Variants in ADGRL2 observed in about 807,000 individuals in gnomAD.
The protein encoded by ADGRL2 is calcium-independent alpha-latrotoxin receptor 2.
A neutral mutation model predicts 157.4 loss-of-function variants in ADGRL2; 44 were observed. That is an observed-to-expected ratio of 0.28 (90% CI 0.22 to 0.36). ADGRL2 has a LOEUF of 0.36. ADGRL2 is among the 10% of genes least tolerant of loss of function. ADGRL2 has a pLI of 1.00. For synonymous variants in ADGRL2, 585 were observed against 624.7 expected (o/e 0.94, Z 0.95); for missense variants, 1,510 against 1,768.9 (o/e 0.85, Z 2.63).
intron 2 of ADGRL2, among the ~76,000 whole-genome samples, chr1:81,558,756 T>A (rs1570499455): frequency 6.6e-6 from 1 of 152,234 alleles, no homozygotes; most frequent in African/African-American, 2.4e-5. Flanking sequence ...TCTCATTTCA[T>A]ACCCCTTGAT....
chr1:81,750,722 CA>C (rs370212610), intron 1 of ADGRL2, among the ~76,000 whole-genome samples: 2 of 149,526 alleles, frequency 1.3e-5, no homozygotes, highest in Non-Finnish European at 3.0e-5. Context: ...ATTTCAAAAA[CA>C]AAAAAAACAA....
intron 6 of ADGRL2, among the ~76,000 whole-genome samples, chr1:81,948,950 A>T (rs755227736): frequency 4.6e-5 from 7 of 152,230 alleles, no homozygotes; most frequent in Non-Finnish European, 8.8e-5. Context: ...GTAGTGTCAG[A>T]ATTAATAAAG....
chr1:81,823,651 T>C (rs2149914806), intron 1 of ADGRL2, among the ~76,000 whole-genome samples: 1 of 152,090 alleles, frequency 6.6e-6, no homozygotes, highest in African/African-American at 2.4e-5. Context: ...AAAATGACAC[T>C]GTACCCCTGA....
At chr1:81,594,444 T>C (rs2081193136) in intron 3 of ADGRL2, among the ~76,000 whole-genome samples, 1 of 152,236 alleles carries the variant, frequency 6.6e-6, no homozygotes, top group Non-Finnish European at 1.5e-5. Context: ...GTCATTCTGC[T>C]CCATAAATAT....
intron 3 of ADGRL2, among the ~76,000 whole-genome samples, chr1:81,629,680 TG>T (rs2081975028): frequency 1.0e-5 from 1 of 97,034 alleles, no homozygotes; most frequent in East Asian, 4.6e-4. Flanking sequence ...TGTGTGTGTG[TG>T]TGTGTGTGTG....
rs747889657 is a variant in ADGRL2 at position 81,966,117 on chromosome 1, G to A, written c.2077G>A (p.Gly693Ser). 9.3e-6 allele frequency: 15 copies of A among 1,613,576 alleles called. No homozygotes were observed. Among genetic ancestry groups the A allele is most frequent in the Middle Eastern group, 3.3e-4 (2 of 6,084 alleles). ...GATCCAAGACTTTAAATTTCCTCTG[G>A]GCATCAAAGGAGCAGGCAGCTCAAT... is the stretch of plus-strand genomic sequence containing the variant. ...GQIQDFKFPL[G>S]IKGAGSSIQL... The change falls in exon 12 of 24, where the codon GGC (glycine) becomes AGC (serine). Residue 693 changes from glycine to serine, a missense_variant. This residue lies in a region of ADGRL2 where 497 missense variants were observed against 627.2 expected (regional missense o/e 0.79). Transcript: ENST00000686636.
chr1:81,797,883 CTTCT>C (rs753308729), upstream of ADGRL2, among the ~76,000 whole-genome samples: 1 of 152,048 alleles, frequency 6.6e-6, no homozygotes, highest in Non-Finnish European at 1.5e-5. Context: ...TAATGAGTTC[CTTCT>C]GTTTTCTTTG....
chr1:81,382,134 G>A (rs1451503541), intron 1 of ADGRL2, among the ~76,000 whole-genome samples: 1 of 152,124 alleles, frequency 6.6e-6, no homozygotes, highest in South Asian at 2.1e-4. Flanking sequence ...GCATAGCGTG[G>A]CATACATTAT....
At chr1:81,754,054 A>T (rs2085579904) in intron 1 of ADGRL2, among the ~76,000 whole-genome samples, 1 of 152,050 alleles carries the variant, frequency 6.6e-6, no homozygotes, top group East Asian at 1.9e-4. Context: ...CCATGACTAC[A>T]CATCTGCCAG....
intron 2 of ADGRL2, among the ~76,000 whole-genome samples, chr1:81,573,793 T>A (rs985151788): frequency 6.6e-6 from 1 of 152,208 alleles, no homozygotes; most frequent in Non-Finnish European, 1.5e-5. Context: ...AGGCACCTCA[T>A]ATTTGAATCC....
At chr1:81,383,210 C>T (rs981747460) in intron 1 of ADGRL2, among the ~76,000 whole-genome samples, 2 of 152,168 alleles carry the variant, frequency 1.3e-5, no homozygotes, top group African/African-American at 4.8e-5. Context: ...AAATGGAAAA[C>T]TCAACTCTTT....
chr1:81,663,777 A>T (rs1023445185), intron 3 of ADGRL2, among the ~76,000 whole-genome samples: 2 of 152,338 alleles, frequency 1.3e-5, no homozygotes, highest in South Asian at 4.1e-4. Flanking sequence ...GCTAATCGTT[A>T]AAGTCATGTT....
At chr1:81,490,578 A>G (rs529092788) in intron 2 of ADGRL2, among the ~76,000 whole-genome samples, 1 of 152,322 alleles carries the variant, frequency 6.6e-6, no homozygotes, top group East Asian at 1.9e-4. Flanking sequence ...CCAGCAAGAA[A>G]CTGCACATTA....
intron 1 of ADGRL2, among the ~76,000 whole-genome samples, chr1:81,361,737 T>C (rs1008000804): frequency 6.6e-6 from 1 of 151,988 alleles, no homozygotes; most frequent in Non-Finnish European, 1.5e-5. Context: ...ATAAACACTT[T>C]CTTTTCCCTG....
At chr1:81,816,884 A>G (rs1409464180) in intron 1 of ADGRL2, among the ~76,000 whole-genome samples, 3 of 151,916 alleles carry the variant, frequency 2.0e-5, no homozygotes, top group African/African-American at 4.8e-5. Context: ...ATTGCCAAGC[A>G]CTTATTAAAG....
intron 1 of ADGRL2, among the ~76,000 whole-genome samples, chr1:81,828,459 A>G (rs2091683786): frequency 6.6e-6 from 1 of 152,156 alleles, no homozygotes; most frequent in South Asian, 2.1e-4. Context: ...TAGCAATAAT[A>G]AGTGATATTT....
chr1:81,573,414 C>T (rs112448530), intron 2 of ADGRL2, among the ~76,000 whole-genome samples: 2,338 of 152,150 alleles, frequency 0.015, 76 homozygotes, highest in African/African-American at 0.054. Flanking sequence ...TGTTTCTTTG[C>T]TTCCTCTCCC....
At position 81,404,366 on chromosome 1, in the gene ADGRL2, G is replaced by A. The variant is rs185659142; in HGVS notation, c.-301-40670G>A. 2.0e-5 allele frequency among the ~76,000 whole-genome samples: 3 copies of A among 152,288 alleles called. No homozygotes were observed. In the East Asian group the frequency reaches 5.8e-4, roughly 29 times the overall value. On this transcript the variant is annotated intron_variant, in intron 1 of 24. Transcript: ENST00000370721. The stretch of plus-strand genomic sequence containing the variant: ...ATATTTTACAGTAAGCCTTTGTATA[G>A]CGTTTAGTATGTCCCAGATACTGTT...
chr1:81,718,364 G>T (rs1421570243), intron 1 of ADGRL2, among the ~76,000 whole-genome samples: 3 of 152,036 alleles, frequency 2.0e-5, no homozygotes, highest in African/African-American at 4.8e-5. Flanking sequence ...TGCAAAATCT[G>T]CCAGTTACTG....
Sources: allele counts gnomAD v4.1 joint callset (sites outside exome capture counted in the v4.1 genomes callset), GRCh38; gene constraint gnomAD v4.1.1; regional missense constraint gnomAD v4.1.1; transcripts MANE v1.5; gene names NCBI Gene and HGNC (gene_info 2026-07-23, HGNC 2026-07-21).